ARB2A: variants seen among roughly 807,000 people sequenced by gnomAD.
ARB2A encodes the protein cotranscriptional regulator ARB2A.
the ARB2A span, among the ~76,000 whole-genome samples, chr5:93,983,612 CT>C: frequency 6.6e-6 from 1 of 152,046 alleles, no homozygotes; most frequent in Non-Finnish European, 1.5e-5. Flanking sequence ...TCAATGGATG[CT>C]AAAATTAGTA....
chr5:94,027,271 C>G, the ARB2A span, among the ~76,000 whole-genome samples: 35 of 152,290 alleles, frequency 2.3e-4, no homozygotes, highest in Middle Eastern at 6.8e-3. Context: ...CTCAGAAATT[C>G]CTACCTGATG....
At chr5:93,918,150 C>G in the ARB2A span, among the ~76,000 whole-genome samples, 1 of 152,134 alleles carries the variant, frequency 6.6e-6, no homozygotes, top group East Asian at 1.9e-4. Context: ...TTTTCTCAAA[C>G]TGAACCAATC....
chr5:93,618,885 T>A, the ARB2A span: 1 of 152,178 alleles, frequency 6.6e-6, no homozygotes, highest in Admixed American at 6.5e-5. Flanking sequence ...GGAATAGCAG[T>A]GATTTGGTTT....
At chr5:93,815,318 C>A in the ARB2A span, among the ~76,000 whole-genome samples, 5 of 152,036 alleles carry the variant, frequency 3.3e-5, no homozygotes, top group African/African-American at 1.2e-4. Context: ...TTACAGAGAC[C>A]TAGAAGAGTA....
the ARB2A span, chr5:93,620,696 G>C: frequency 2.1e-5 from 6 of 283,052 alleles, no homozygotes; most frequent in South Asian, 8.9e-4. Context: ...AGGGCAATTA[G>C]AGCTTCGCCG....
the ARB2A span, among the ~76,000 whole-genome samples, chr5:94,031,717 T>C: frequency 2.0e-5 from 3 of 152,190 alleles, no homozygotes; most frequent in African/African-American, 7.2e-5. Context: ...ACTAAAAGCA[T>C]TGCAGAGATC....
chr5:93,805,490 G>A, the ARB2A span: 1 of 985,148 alleles, frequency 1.0e-6, no homozygotes, highest in South Asian at 4.7e-5. Context: ...AGAGTCTGGA[G>A]AAGGTGTTCT....
chr5:94,097,828 C>T, the ARB2A span, among the ~76,000 whole-genome samples: 1 of 151,818 alleles, frequency 6.6e-6, no homozygotes. Context: ...ACTGCTTTGA[C>T]ATAAAGCCCT....
At chr5:93,902,881 C>A in the ARB2A span, among the ~76,000 whole-genome samples, 1 of 152,046 alleles carries the variant, frequency 6.6e-6, no homozygotes, top group African/African-American at 2.4e-5. Flanking sequence ...AGATGTCACT[C>A]CACCATATTC....
the ARB2A span, among the ~76,000 whole-genome samples, chr5:93,866,841 T>A: frequency 6.6e-6 from 1 of 152,228 alleles, no homozygotes; most frequent in Non-Finnish European, 1.5e-5. Flanking sequence ...GTCTAAAAAA[T>A]ATCTACTAAG....
the ARB2A span, among the ~76,000 whole-genome samples, chr5:93,975,354 A>T: frequency 6.6e-6 from 1 of 151,330 alleles, no homozygotes; most frequent in Non-Finnish European, 1.5e-5. Flanking sequence ...GAAAAATCTC[A>T]AAATTAACAA....
At chr5:94,105,657 A>G in the ARB2A span, among the ~76,000 whole-genome samples, 1 of 152,100 alleles carries the variant, frequency 6.6e-6, no homozygotes, top group Non-Finnish European at 1.5e-5. Context: ...ACTGAAAAAT[A>G]GCCTGAATAC....
the ARB2A span, chr5:93,733,491 A>T: frequency 6.6e-6 from 1 of 152,062 alleles, no homozygotes; most frequent in Non-Finnish European, 1.5e-5. Context: ...GAGCCACTGC[A>T]CCTGGCTACA....
chr5:93,809,536 C>T, the ARB2A span, among the ~76,000 whole-genome samples: 1 of 151,870 alleles, frequency 6.6e-6, no homozygotes, highest in Non-Finnish European at 1.5e-5. Context: ...TAACTAAACA[C>T]GTCATTCATT....
chr5:93,852,231 C>T, the ARB2A span, among the ~76,000 whole-genome samples: 138,016 of 151,950 alleles, frequency 0.91, 63,082 homozygotes, highest in East Asian at 1. Context: ...TTCATGTGTT[C>T]TTTGGCTGCA....
the ARB2A span, among the ~76,000 whole-genome samples, chr5:93,967,404 C>T: frequency 2.0e-5 from 3 of 152,040 alleles, no homozygotes; most frequent in African/African-American, 7.2e-5. Context: ...CTCATTAGAT[C>T]CATCAGAGAA....
chr5:93,964,612 C>T, the ARB2A span: 48 of 815,528 alleles, frequency 5.9e-5, no homozygotes, highest in Non-Finnish European at 9.2e-5. Context: ...CAAGTTATTG[C>T]TCTGAGTAAA....
At chr5:93,859,784 A>G in the ARB2A span, among the ~76,000 whole-genome samples, 1 of 152,248 alleles carries the variant, frequency 6.6e-6, no homozygotes, top group Non-Finnish European at 1.5e-5. Flanking sequence ...TATCCAGGCT[A>G]GCAAATATTA....
chr5:93,627,961 AG>A, the ARB2A span, among the ~76,000 whole-genome samples: 1 of 151,916 alleles, frequency 6.6e-6, no homozygotes, highest in Non-Finnish European at 1.5e-5. Flanking sequence ...GTGGGCTTAC[AG>A]TATTCACTAA....
Sources: gnomAD v4.1 joint callset for allele counts (sites outside exome capture counted in the v4.1 genomes callset) on GRCh38, gnomAD v4.1.1 for gene constraint, MANE v1.5 for transcripts, NCBI Gene and HGNC (gene_info 2026-07-23, HGNC 2026-07-21) for gene names.